OR51B5: variants seen among roughly 807,000 people sequenced by gnomAD.
OR51B5 encodes olfactory receptor family 51 subfamily B member 5, also known as olfactory receptor 51B5.
For missense variants in OR51B5, 456 were observed against 374.6 expected (o/e 1.22, Z -1.79); for synonymous variants, 186 against 144.8 (o/e 1.28, Z -2.04).
chr11:5,454,882 T>C (rs903982772), intron 1 of OR51B5: 1 of 154,282 alleles, frequency 6.5e-6, no homozygotes, highest in East Asian at 1.9e-4. Flanking sequence ...CAGTTGACAT[T>C]CAACACTAAT....
At chr11:5,488,742 A>C in intron 1 of OR51B5, 1 of 1,613,884 alleles carries the variant, frequency 6.2e-7, no homozygotes, top group Non-Finnish European at 8.5e-7. Flanking sequence ...ACCATCTTCC[A>C]GACACCTTCT....
intron 1 of OR51B5, among the ~76,000 whole-genome samples, chr11:5,396,697 A>G (rs1024212071): frequency 7.9e-5 from 12 of 151,936 alleles, no homozygotes; most frequent in Non-Finnish European, 1.6e-4. Flanking sequence ...GAATTGGAAA[A>G]AACTACTTTA....
At chr11:5,408,420 G>A (rs1850094555) in intron 1 of OR51B5, among the ~76,000 whole-genome samples, 1 of 118,206 alleles carries the variant, frequency 8.5e-6, no homozygotes, top group South Asian at 3.0e-4. Flanking sequence ...TTCCTTTGCT[G>A]TTTTCCTGCA....
chr11:5,469,476 ATGG>A (rs1851192899), intron 1 of OR51B5: 1 of 152,180 alleles, frequency 6.6e-6, no homozygotes, highest in East Asian at 1.9e-4. Flanking sequence ...TTGAGGTGAG[ATGG>A]TGGGAGAAGT....
chr11:5,505,270 G>T (rs1251155553), intron 1 of OR51B5: 9 of 1,279,190 alleles, frequency 7.0e-6, no homozygotes, highest in Admixed American at 2.5e-5. Context: ...TTTTTCCTCA[G>T]ACCTATCTGG....
chr11:5,453,866 T>C (rs1247085655), intron 1 of OR51B5: 1 of 1,614,234 alleles, frequency 6.2e-7, no homozygotes, highest in Non-Finnish European at 8.5e-7. Context: ...ATGTGGCCAT[T>C]TGTGACCCCT....
intron 1 of OR51B5, among the ~76,000 whole-genome samples, chr11:5,358,878 A>G (rs1273294583): frequency 6.6e-6 from 1 of 152,050 alleles, no homozygotes; most frequent in African/African-American, 2.4e-5. Flanking sequence ...TATAAACAGA[A>G]CCAAAGACAA....
intron 1 of OR51B5, among the ~76,000 whole-genome samples, chr11:5,498,470 T>C (rs1267402180): frequency 2.0e-5 from 3 of 152,160 alleles, no homozygotes; most frequent in Admixed American, 1.3e-4. Flanking sequence ...TGTCTTCATA[T>C]GTATTATAAA....
chr11:5,458,956 G>A (rs757067808), intron 1 of OR51B5, among the ~76,000 whole-genome samples: 2 of 152,076 alleles, frequency 1.3e-5, no homozygotes, highest in Non-Finnish European at 1.5e-5. Flanking sequence ...TCTTTCTCTT[G>A]CTTGACGCTC....
intron 1 of OR51B5, among the ~76,000 whole-genome samples, chr11:5,451,792 G>A (rs909430834): frequency 1.3e-5 from 2 of 152,094 alleles, no homozygotes; most frequent in South Asian, 2.1e-4. Context: ...GAAAAACAGC[G>A]GTATGTAATT....
chr11:5,389,445 A>C, intron 1 of OR51B5: 1 of 1,613,928 alleles, frequency 6.2e-7, no homozygotes, highest in Non-Finnish European at 8.5e-7. Flanking sequence ...CTGCTATCCA[A>C]CATTACTCAG....
intron 1 of OR51B5, among the ~76,000 whole-genome samples, chr11:5,357,447 C>A (rs565612565): frequency 6.6e-6 from 1 of 151,408 alleles, no homozygotes; most frequent in African/African-American, 2.4e-5. Context: ...ATATATGCAC[C>A]CAATACAGGA....
At chr11:5,363,813 T>C (rs1849324384) in intron 1 of OR51B5, among the ~76,000 whole-genome samples, 1 of 152,158 alleles carries the variant, frequency 6.6e-6, no homozygotes, top group African/African-American at 2.4e-5. Flanking sequence ...CCAGACTATA[T>C]TTAGTGTACA....
chr11:5,423,097 G>A, intron 1 of OR51B5: 2 of 1,612,610 alleles, frequency 1.2e-6, no homozygotes, highest in Non-Finnish European at 1.7e-6. Flanking sequence ...TAAAGAACAA[G>A]CAGATCCAAT....
At chr11:5,380,485 C>A (rs909994831) in intron 1 of OR51B5, among the ~76,000 whole-genome samples, 3 of 152,066 alleles carry the variant, frequency 2.0e-5, no homozygotes, top group African/African-American at 7.2e-5. Context: ...GACCTTGTGG[C>A]CATTTTCTGT....
At chr11:5,402,549 G>T in intron 1 of OR51B5, 1 of 422,426 alleles carries the variant, frequency 2.4e-6, no homozygotes, top group Non-Finnish European at 4.9e-6. Context: ...TCACTAGTTT[G>T]TTTCTAATTT....
chr11:5,365,359 A>T (rs1189241517), intron 1 of OR51B5, among the ~76,000 whole-genome samples: 1 of 152,202 alleles, frequency 6.6e-6, no homozygotes, highest in African/African-American at 2.4e-5. Context: ...AAACCAATGC[A>T]TGGCTGGTCC....
At chr11:5,490,394 T>C (rs1160072459) in intron 1 of OR51B5, among the ~76,000 whole-genome samples, 3 of 152,198 alleles carry the variant, frequency 2.0e-5, no homozygotes, top group Non-Finnish European at 4.4e-5. Flanking sequence ...TATAATATTT[T>C]TAAAGTGCTA....
intron 1 of OR51B5, among the ~76,000 whole-genome samples, chr11:5,414,741 T>C (rs1409699097): frequency 6.6e-6 from 1 of 152,202 alleles, no homozygotes; most frequent in African/African-American, 2.4e-5. Context: ...TAAATATATA[T>C]GCACCCAATA....
Sources: allele counts gnomAD v4.1 joint callset (sites outside exome capture counted in the v4.1 genomes callset), GRCh38; gene constraint gnomAD v4.1.1; transcripts MANE v1.5; gene names NCBI Gene and HGNC (gene_info 2026-07-23, HGNC 2026-07-21).